SPTBN5: variants seen among roughly 807,000 people sequenced by gnomAD.
The protein encoded by SPTBN5 is spectrin beta chain, non-erythrocytic 5.
A neutral mutation model predicts 477.6 loss-of-function variants in SPTBN5; 513 were observed. The ratio of observed to expected loss-of-function variants is 1.07; its 90% CI spans 1.00 to 1.16. SPTBN5 has a LOEUF of 1.16. Ranked by LOEUF, SPTBN5 falls within the 50% of genes most tolerant of loss-of-function variation. SPTBN5 has a pLI of 0.00. For synonymous variants in SPTBN5, 2,169 were observed against 2,011.7 expected (o/e 1.08, Z -2.09); for missense variants, 5,062 against 4,731.8 (o/e 1.07, Z -2.05).
At position 41,870,536 on chromosome 15, in the gene SPTBN5, C is replaced by A. The variant is rs2066498805; in HGVS notation, c.5472G>T (p.Glu1824Asp). The A allele has an allele frequency of 1.2e-6, 2 of 1,610,260 alleles. No homozygotes were observed. Among genetic ancestry groups the A allele is most frequent in the Non-Finnish European group, 1.7e-6 (2 of 1,179,734 alleles). ...DLQTAWSELW[E>D]LTQARGHALR... Reference sequence around the variant, plus strand: ...GCGCGTGGCCTCGGGCCTGGGTCAGCTCCCACAGCTCCGACCAGGCGGTCC... The same window carrying A: ...GCGCGTGGCCTCGGGCCTGGGTCAGATCCCACAGCTCCGACCAGGCGGTCC... The change falls in exon 30 of 68, where the codon GAG (glutamate) becomes GAT (aspartate). Residue 1824 changes from glutamate (E) to aspartate (D), a missense_variant. Physicochemically the swap from Glu to Asp is conservative, Grantham distance 45 (BLOSUM62 2). Coordinates refer to ENST00000320955, the MANE Select transcript of SPTBN5 (RefSeq NM_016642.4).
At chr15:41,879,949 C>T (rs1203596026) in intron 14 of SPTBN5, 85 bp from the exon 15 acceptor site, 1 of 1,551,882 alleles carries the variant, frequency 6.4e-7, no homozygotes, top group Admixed American at 1.9e-5. Context: ...CTGAGTGGTG[C>T]TCTCTGCTAC....
intron 46 of SPTBN5, among the ~76,000 whole-genome samples, chr15:41,861,100 TG>T (rs2066090437): frequency 6.6e-6 from 1 of 152,334 alleles, no homozygotes; most frequent in Middle Eastern, 3.4e-3. Context: ...GCTTCAGGGT[TG>T]GGGCAGTGGC....
chr15:41,865,453 A>G (rs1215742542), intron 39 of SPTBN5, among the ~76,000 whole-genome samples: 1 of 152,186 alleles, frequency 6.6e-6, no homozygotes, highest in Non-Finnish European at 1.5e-5. Flanking sequence ...TAAAACCACA[A>G]AGCTGACGTT....
chr15:41,864,117 G>A (rs565724633), intron 39 of SPTBN5, 93 bp from the exon 40 acceptor site: 13 of 1,115,150 alleles, frequency 1.2e-5, no homozygotes, highest in South Asian at 1.0e-4. Flanking sequence ...CCTGGGCCCC[G>A]GAGCATGAGG....
Position 41,887,260 on chromosome 15 carries a change from AG to A in SPTBN5, c.840del (p.Cys281AlafsTer144). 1 of 1,551,300 alleles carries A rather than the reference AG, an allele frequency of 6.4e-7. No homozygotes were observed. Among genetic ancestry groups the A allele is most frequent in the African/African-American group, 1.4e-5 (1 of 73,120 alleles). ...IMTYVSLYYH[Y>X]CSRLHQGQTV... ...GTCTGCCCCTGATGCAGGCGGGAGC[AG>A]TAGTGGTAGTAGAGGGAGACGTAGG... On this transcript the variant is annotated frameshift_variant, in exon 6 of 68. Transcript: ENST00000320955. LOFTEE classifies it high-confidence loss of function.
At position 41,861,454 on chromosome 15, in the gene SPTBN5, T is replaced by G. The variant is rs777566977; in HGVS notation, c.7780A>C (p.Ser2594Arg). The change falls in exon 46 of 68, where the codon AGC (serine) becomes CGC (arginine). Residue 2594 changes from serine (S) to arginine (R), a missense_variant. By Grantham distance (110) the Ser-to-Arg change is moderately radical. Transcript: ENST00000320955. ...SVEKMERWLC[S>R]KEDSLASEGL... ...TCACTGGCTAGGGAGTCTTCCTTGC[T>G]GCAAAGCCAACGTTCCATCTTCTCC... 1 of 1,613,674 alleles carries G rather than the reference T, an allele frequency of 6.2e-7. No individual in the cohort carries two copies. The highest frequency in any genetic ancestry group is 1.3e-5 in the African/African-American group (1 of 75,072).
intron 47 of SPTBN5, among the ~76,000 whole-genome samples, chr15:41,860,189 G>A (rs1256040490): frequency 1.3e-5 from 2 of 152,342 alleles, no homozygotes; most frequent in Non-Finnish European, 1.5e-5. Context: ...CTCAGCTGCC[G>A]AGAGGAGGAA....
At chr15:41,887,097 T>C (rs2067177662) in intron 6 of SPTBN5, 116 bp downstream of exon 6, 1 of 870,168 alleles carries the variant, frequency 1.1e-6, no homozygotes, top group Non-Finnish European at 1.9e-6. Context: ...GGGTGCACAG[T>C]GAAGTTGGGT....
chr15:41,877,162 GCAGT>G lies in SPTBN5; in HGVS notation c.3661_3664del (p.Thr1221ProfsTer19). The G allele has an allele frequency of 1.2e-6, 2 of 1,613,972 alleles. No individual in the cohort carries two copies. The highest frequency in any genetic ancestry group is 8.5e-7 in the Non-Finnish European group (1 of 1,179,886). ...CCAGGCCTGGTGGTTGGCACAGGTG[GCAGT>G]GAAACCATCCACTTCTCGGCCAAAC... On this transcript the variant is annotated frameshift_variant, in exon 18 of 68. Transcript: ENST00000320955. LOFTEE classifies it high-confidence loss of function.
intron 67 of SPTBN5, among the ~76,000 whole-genome samples, chr15:41,849,423 A>G (rs911261257): frequency 6.6e-6 from 1 of 152,182 alleles, no homozygotes; most frequent in Non-Finnish European, 1.5e-5. Context: ...AACGGGTTGG[A>G]ACAAGGGTGG....
At chr15:41,893,772 TC>T (rs2067385901) in intron 1 of SPTBN5, 126 bp downstream of exon 1, 1 of 563,592 alleles carries the variant, frequency 1.8e-6, no homozygotes, top group African/African-American at 1.9e-5. Context: ...TGCTGCCAGG[TC>T]CCTCCACCAC....
rs370544303 is a variant in SPTBN5, at chr15:41,869,791, C to A, written c.5853+50G>T. 1,358 of 1,462,224 alleles carry A rather than the reference C, an allele frequency of 9.3e-4. 2 individuals carry two copies. Among genetic ancestry groups the A allele is most frequent in the Non-Finnish European group, 1.1e-3 (1,272 of 1,112,936 alleles). The allele number at this position is 1,462,224 out of a possible 1,614,324, so 90.6% of individuals were successfully genotyped here. On this transcript the variant is annotated intron_variant, in intron 32 of 67. Coordinates refer to ENST00000320955, the MANE Select transcript of SPTBN5 (RefSeq NM_016642.4). ...CATGCGTGCATGCCCATGCATGGTG[C>A]AGCACACACACATGCACACACACAC...
In SPTBN5 at chr15:41,857,200, A is replaced by G. The variant is rs757607101; in HGVS notation, c.8621+38T>C. 19 of 1,561,028 alleles carry G rather than the reference A, an allele frequency of 1.2e-5. No homozygotes were observed. The South Asian group carries it at 1.8e-4, about 15-fold the overall frequency. ...GGCAGGGGTGGGGGTCCCTCCAGGAAGGCAGGGAAGAGAAGCTGAGGGCAC... is the reference window on the plus strand; with the variant it reads ...GGCAGGGGTGGGGGTCCCTCCAGGAGGGCAGGGAAGAGAAGCTGAGGGCAC... On this transcript the variant is annotated intron_variant, in intron 51 of 67. Coordinates refer to ENST00000320955, the MANE Select transcript of SPTBN5 (RefSeq NM_016642.4).
intron 7 of SPTBN5, among the ~76,000 whole-genome samples, chr15:41,884,887 G>A (rs77996527): frequency 0.044 from 6,763 of 152,146 alleles, 282 homozygotes; most frequent in East Asian, 0.19. Context: ...CGTTTCCTCC[G>A]CCTAGAATAC....
intron 3 of SPTBN5, among the ~76,000 whole-genome samples, chr15:41,891,221 G>A (rs1459084470): frequency 5.3e-5 from 8 of 152,200 alleles, no homozygotes; most frequent in African/African-American, 1.9e-4. Context: ...GCAGGCAATC[G>A]ATCAGTAAGT....
chr15:41,867,521 C>A lies in SPTBN5; in HGVS notation c.6312+17G>T, dbSNP rs2066367968. 1.3e-5 allele frequency: 21 copies of A among 1,611,062 alleles called. No individual in the cohort carries two copies. Among genetic ancestry groups the A allele is most frequent in the Non-Finnish European group, 1.8e-5 (21 of 1,177,446 alleles). On this transcript the variant is annotated intron_variant, in intron 35 of 67. Coordinates refer to ENST00000320955, the MANE Select transcript of SPTBN5 (RefSeq NM_016642.4). ...CCACCACACTCTGACCACGCCCAGG[C>A]CTCCTGACTCCATTACCTTCTTGTC...
At chr15:41,850,818 C>T (rs777614108) in intron 66 of SPTBN5, 36 bp downstream of exon 66, 54 of 1,540,070 alleles carry the variant, frequency 3.5e-5, no homozygotes, top group Middle Eastern at 1.7e-4. Context: ...CCCAGGGAGT[C>T]GGCCGCCCTC....
At chr15:41,850,758 G>C in intron 66 of SPTBN5, 96 bp downstream of exon 66, 1 of 1,092,322 alleles carries the variant, frequency 9.2e-7, no homozygotes, top group Non-Finnish European at 1.3e-6. Flanking sequence ...GATGCTAACT[G>C]TGAAACCTCC....
Position 41,876,925 on chromosome 15 carries a change from G to C in SPTBN5, c.3735C>G (p.Ser1245Arg). Reference protein sequence around the residue: ...NLGEDVREALSLLQQHREFGR... With the variant: ...NLGEDVREALRLLQQHREFGR... ...CAAACTCCCGGTGCTGCTGCAGCAGGCTCAGGGCCTCCCTCACGTCCTCCT... is the reference window on the plus strand; with the variant it reads ...CAAACTCCCGGTGCTGCTGCAGCAGCCTCAGGGCCTCCCTCACGTCCTCCT... The change falls in exon 19 of 68, where the codon AGC becomes AGG. Residue 1245 changes from serine to arginine, a missense_variant. By Grantham distance (110) the Ser-to-Arg change is moderately radical (BLOSUM62 -1). Coordinates refer to ENST00000320955, the MANE Select transcript of SPTBN5 (RefSeq NM_016642.4). The C allele has an allele frequency of 1.2e-6, 2 of 1,609,316 alleles. No individual in the cohort carries two copies. The highest frequency in any genetic ancestry group is 1.7e-6 in the Non-Finnish European group (2 of 1,179,204).
Sources: gnomAD v4.1 joint callset for allele counts (sites outside exome capture counted in the v4.1 genomes callset) on GRCh38, gnomAD v4.1.1 for gene constraint, MANE v1.5 for transcripts, NCBI Gene and HGNC (gene_info 2026-07-23, HGNC 2026-07-21) for gene names.